PARP8: variants seen among roughly 807,000 people sequenced by gnomAD.
PARP8 encodes protein mono-ADP-ribosyltransferase PARP8.
PARP8 carries 51 observed loss-of-function variants against 124.1 expected under a neutral mutation model. That is an observed-to-expected ratio of 0.41 (90% CI 0.33 to 0.52). The LOEUF is 0.52. Ranked by LOEUF, PARP8 falls within the 20% of genes least tolerant of loss-of-function variation. The probability of loss-of-function intolerance (pLI) is 0.21; values close to 1 mark genes in which losing one functional copy is unlikely to be tolerated. For missense variants in PARP8, 860 were observed against 1,018.9 expected, an observed-to-expected ratio of 0.84 and a Z score of 2.12; for synonymous variants, 391 against 361.5, an observed-to-expected ratio of 1.08 and a Z score of -0.93.
At chr5:50,753,616 T>C (rs568345774) in intron 3 of PARP8, among the ~76,000 whole-genome samples, 4 of 152,236 alleles carry the variant, frequency 2.6e-5, no homozygotes, top group Middle Eastern at 6.8e-3. Context: ...AGTTAATTAA[T>C]AGTATTTAAT....
chr5:50,766,001 A>G (rs1293227270), intron 7 of PARP8, among the ~76,000 whole-genome samples: 3 of 152,170 alleles, frequency 2.0e-5, no homozygotes. Context: ...TTTTAAAGCA[A>G]CGTCTAATGA....
chr5:50,699,232 A>G (rs1235410025), intron 2 of PARP8, among the ~76,000 whole-genome samples: 6 of 152,194 alleles, frequency 3.9e-5, no homozygotes, highest in Admixed American at 6.5e-5. Context: ...TGACTGCCCA[A>G]GTGAATGGAA....
intron 2 of PARP8, among the ~76,000 whole-genome samples, chr5:50,710,328 T>C (rs1263632565): frequency 6.6e-6 from 1 of 152,066 alleles, no homozygotes; most frequent in South Asian, 2.1e-4. Context: ...CTTTCATGGA[T>C]CTTTTCTTAG....
At chr5:50,820,536 A>C (rs572226857) in intron 15 of PARP8, among the ~76,000 whole-genome samples, 1 of 152,344 alleles carries the variant, frequency 6.6e-6, no homozygotes, top group Non-Finnish European at 1.5e-5. Context: ...ACAGGAATAA[A>C]GCCATTGTCT....
At chr5:50,690,948 A>G (rs1463246669) in intron 2 of PARP8, among the ~76,000 whole-genome samples, 1 of 152,130 alleles carries the variant, frequency 6.6e-6, no homozygotes, top group African/African-American at 2.4e-5. Flanking sequence ...CTTCTTCAAA[A>G]TGACATTGAA....
At chr5:50,733,854 C>T (rs1406716506) in intron 2 of PARP8, among the ~76,000 whole-genome samples, 1 of 152,092 alleles carries the variant, frequency 6.6e-6, no homozygotes, top group African/African-American at 2.4e-5. Flanking sequence ...CCTACTTGTC[C>T]ATCTTTTCCT....
At chr5:50,675,675 T>C (rs1276478723) in intron 2 of PARP8, among the ~76,000 whole-genome samples, 1 of 152,224 alleles carries the variant, frequency 6.6e-6, no homozygotes, top group African/African-American at 2.4e-5. Context: ...ATAGAATATA[T>C]ACTGTATTTG....
intron 25 of PARP8, among the ~76,000 whole-genome samples, chr5:50,837,988 G>GT (rs1168348327): frequency 6.6e-6 from 1 of 151,598 alleles, no homozygotes; most frequent in Non-Finnish European, 1.5e-5. Flanking sequence ...AAACGCATGT[G>GT]TACTAGGACA....
rs548481964 is a variant in PARP8, at chr5:50,842,512, T to C, written c.*444T>C. Reference sequence around the variant, plus strand: ...TGCACATTCTGATGTGCTATATCATTAGTAGTATGGGCATTCTAATGTTTT... The same window carrying C: ...TGCACATTCTGATGTGCTATATCATCAGTAGTATGGGCATTCTAATGTTTT... On this transcript the variant is annotated 3_prime_UTR_variant, in exon 26 of 26. Transcript: ENST00000281631. The C allele has an allele frequency of 1.3e-4, 20 of 155,924 alleles. No homozygotes were observed. The highest frequency in any genetic ancestry group is 3.8e-4 in the East Asian group (2 of 5,198). 9.7% of individuals were successfully genotyped at this position (155,924 alleles called of 1,614,324 possible).
chr5:50,778,161 G>C, intron 8 of PARP8, 32 bp downstream of exon 8: 1 of 1,419,192 alleles, frequency 7.0e-7, no homozygotes, highest in Non-Finnish European at 9.8e-7. Context: ...TATGAATGGT[G>C]CATTTAAAAT....
Position 50,815,537 on chromosome 5 carries a change from G to C in PARP8, c.1668+13G>C. 1 of 1,550,584 alleles carries C rather than the reference G, an allele frequency of 6.4e-7. No homozygotes were observed. Among genetic ancestry groups the C allele is most frequent in the Non-Finnish European group, 8.7e-7 (1 of 1,148,248 alleles). ...AACTGGAGCTCAGGTAGTAACACAG[G>C]ATACTAATTATTTCTTATTTTGCTT... On this transcript the variant is annotated intron_variant, in intron 15 of 25. Transcript: ENST00000281631.
At chr5:50,837,542 A>G (rs27252) in intron 25 of PARP8, among the ~76,000 whole-genome samples, 24,772 of 152,136 alleles carry the variant, frequency 0.16, 2,420 homozygotes, top group East Asian at 0.3. Flanking sequence ...TTGCCTAATG[A>G]CTAGGATATG....
chr5:50,810,772 C>T (rs1056212453), intron 14 of PARP8, among the ~76,000 whole-genome samples: 5 of 151,998 alleles, frequency 3.3e-5, no homozygotes, highest in African/African-American at 7.2e-5. Flanking sequence ...AAGTCATTTA[C>T]GTCTTACATC....
chr5:50,703,985 TA>T (rs1753865776), intron 2 of PARP8, among the ~76,000 whole-genome samples: 1 of 152,140 alleles, frequency 6.6e-6, no homozygotes, highest in South Asian at 2.1e-4. Context: ...CAGCAAGATA[TA>T]AAATTCAATT....
chr5:50,795,461 G>A, intron 12 of PARP8, 44 bp downstream of exon 12: 1 of 1,470,144 alleles, frequency 6.8e-7, no homozygotes, highest in South Asian at 1.4e-5. Context: ...GTTAGCTAAG[G>A]TGCAGTAGAA....
chr5:50,838,560 G>A (rs1207953724), intron 25 of PARP8, among the ~76,000 whole-genome samples: 8 of 151,978 alleles, frequency 5.3e-5, no homozygotes, highest in African/African-American at 1.9e-4. Context: ...ATCTTTTGGT[G>A]TACAGCCTAC....
At chr5:50,750,815 A>T (rs1759172744) in intron 3 of PARP8, among the ~76,000 whole-genome samples, 1 of 152,152 alleles carries the variant, frequency 6.6e-6, no homozygotes, top group Non-Finnish European at 1.5e-5. Flanking sequence ...TTGTACAGTT[A>T]TACAATGAAG....
chr5:50,686,396 G>T lies in PARP8; in HGVS notation c.146+18271G>T, dbSNP rs185182204. Among the ~76,000 whole-genome samples the T allele has an allele frequency of 3.2e-3, 492 of 152,356 alleles. 1 individual carries two copies. The highest frequency in any genetic ancestry group is 5.1e-3 in the Non-Finnish European group (350 of 68,036). ...AGCTCCACCCCTGTGACTTTGTAGG[G>T]TGTAGCCCCCTCCTGGCTGCTTTCA... On this transcript the variant is annotated intron_variant, in intron 2 of 25. Transcript: ENST00000281631.
At chr5:50,728,828 T>G (rs192559835) in intron 2 of PARP8, among the ~76,000 whole-genome samples, 1 of 152,106 alleles carries the variant, frequency 6.6e-6, no homozygotes, top group African/African-American at 2.4e-5. Flanking sequence ...TAAAATGAAA[T>G]TGTATAATAA....
Sources: gnomAD v4.1 joint callset for allele counts (sites outside exome capture counted in the v4.1 genomes callset) on GRCh38, gnomAD v4.1.1 for gene constraint, MANE v1.5 for transcripts, NCBI Gene and HGNC (gene_info 2026-07-23, HGNC 2026-07-21) for gene names.